FOCAD: variants seen among roughly 807,000 people sequenced by gnomAD.
FOCAD encodes KIAA1797.
Under a neutral mutation model 225.6 loss-of-function variants are expected in FOCAD, and 198 were observed. The observed-to-expected ratio is 0.88, with a 90% CI of 0.78 to 0.99. The LOEUF (loss-of-function observed/expected upper bound fraction) is 0.99, where lower values mean the gene tolerates loss of function less well. Among genes scored for constraint, FOCAD ranks in the 50% least tolerant of loss-of-function variants. FOCAD has a pLI of 0.00. For synonymous variants in FOCAD, 897 were observed against 755.0 expected, an observed-to-expected ratio of 1.19 and a Z score of -3.08; for missense variants, 2,713 against 2,123.6, an observed-to-expected ratio of 1.28 and a Z score of -5.46.
chr9:20,765,301 A>C (rs1007172496), intron 7 of FOCAD, among the ~76,000 whole-genome samples: 2 of 152,226 alleles, frequency 1.3e-5, no homozygotes, highest in African/African-American at 4.8e-5. Flanking sequence ...AAATCGACAT[A>C]GTCCATTCTG....
chr9:20,878,744 C>T (rs1830433525), intron 19 of FOCAD, among the ~76,000 whole-genome samples: 1 of 152,194 alleles, frequency 6.6e-6, no homozygotes, highest in South Asian at 2.1e-4. Context: ...GACAGACTAT[C>T]TGCAAGCTGG....
intron 4 of FOCAD, among the ~76,000 whole-genome samples, chr9:20,723,757 T>C (rs1011475256): frequency 6.6e-6 from 1 of 152,218 alleles, no homozygotes; most frequent in Non-Finnish European, 1.5e-5. Context: ...TGAAAAAATA[T>C]ATCTTGGAGC....
chr9:20,770,519 C>A (rs1818107703), intron 8 of FOCAD, among the ~76,000 whole-genome samples: 1 of 152,212 alleles, frequency 6.6e-6, no homozygotes, highest in South Asian at 2.1e-4. Context: ...CAATCACTAT[C>A]ACAAGAACAG....
intron 14 of FOCAD, among the ~76,000 whole-genome samples, chr9:20,822,191 T>G (rs1284726655): frequency 6.6e-6 from 1 of 151,986 alleles, no homozygotes; most frequent in Middle Eastern, 3.2e-3. Flanking sequence ...TACTGCTAAC[T>G]TATTTAGTAT....
chr9:20,657,114 CT>C (rs1821510892), upstream of FOCAD, among the ~76,000 whole-genome samples: 1 of 152,172 alleles, frequency 6.6e-6, no homozygotes, highest in African/African-American at 2.4e-5. Flanking sequence ...CCCCCACTCT[CT>C]TCTGGCTTGT....
At chr9:20,774,054 T>C (rs1488118878) in intron 8 of FOCAD, among the ~76,000 whole-genome samples, 2 of 152,224 alleles carry the variant, frequency 1.3e-5, no homozygotes, top group East Asian at 1.9e-4. Context: ...GAACTGTGCA[T>C]GCGAGGGATC....
chr9:20,862,326 A>G (rs1429985006), intron 15 of FOCAD, among the ~76,000 whole-genome samples: 3 of 152,072 alleles, frequency 2.0e-5, no homozygotes, highest in African/African-American at 7.2e-5. Context: ...TGTGCTTAGG[A>G]GAGAGTTATT....
intron 21 of FOCAD, among the ~76,000 whole-genome samples, chr9:20,891,372 A>G (rs1198334969): frequency 1.3e-5 from 2 of 152,240 alleles, no homozygotes; most frequent in East Asian, 1.9e-4. Flanking sequence ...CGAGGAAGGC[A>G]TATTGAAAGC....
chr9:20,935,357 G>A (rs190665335), intron 28 of FOCAD, among the ~76,000 whole-genome samples: 1 of 152,026 alleles, frequency 6.6e-6, no homozygotes, highest in Admixed American at 6.6e-5. Context: ...CACATGTATG[G>A]GGACATGGAT....
At chr9:20,954,986 A>G (rs919062707) in intron 35 of FOCAD, among the ~76,000 whole-genome samples, 21 of 152,190 alleles carry the variant, frequency 1.4e-4, no homozygotes, top group Non-Finnish European at 2.1e-4. Flanking sequence ...CTTCTTCAAT[A>G]TACCCAGCTC....
intron 35 of FOCAD, among the ~76,000 whole-genome samples, chr9:20,969,263 C>T (rs1230317722): frequency 6.6e-6 from 1 of 152,026 alleles, no homozygotes; most frequent in Non-Finnish European, 1.5e-5. Flanking sequence ...TGGAACTGTT[C>T]TAGCTATGCC....
chr9:20,944,924 A>G (rs1442356668), intron 29 of FOCAD, 150 bp downstream of exon 29: 2 of 870,246 alleles, frequency 2.3e-6, no homozygotes, highest in Non-Finnish European at 3.4e-6. Flanking sequence ...ATATTAGATC[A>G]TAAGGTTTTC....
chr9:20,753,634 GTC>G (rs2131763759), intron 5 of FOCAD, among the ~76,000 whole-genome samples: 1 of 151,956 alleles, frequency 6.6e-6, no homozygotes, highest in East Asian at 1.9e-4. Flanking sequence ...TTTTGGTTGT[GTC>G]TCTGCCCGGC....
chr9:20,710,213 G>T (rs1253503497), intron 1 of FOCAD, among the ~76,000 whole-genome samples: 8 of 148,424 alleles, frequency 5.4e-5, no homozygotes, highest in African/African-American at 2.0e-4. Context: ...TCTGTACTTG[G>T]ATCCCAGTAG....
At chr9:20,925,661 A>T (rs1437303145) in intron 25 of FOCAD, among the ~76,000 whole-genome samples, 1 of 152,192 alleles carries the variant, frequency 6.6e-6, no homozygotes, top group Non-Finnish European at 1.5e-5. Flanking sequence ...AATGCTTTTG[A>T]CATCCATGGT....
chr9:20,948,621 A>G (rs768615033), intron 31 of FOCAD, among the ~76,000 whole-genome samples: 13 of 152,182 alleles, frequency 8.5e-5, no homozygotes, highest in Admixed American at 1.3e-4. Context: ...TTTTAAGACA[A>G]CATTTTGTTT....
chr9:20,952,621 G>A lies in FOCAD; in HGVS notation c.4052-364G>A, dbSNP rs570132599. 6 of 272,532 alleles carry A rather than the reference G, an allele frequency of 2.2e-5. 1 individual carries two copies. In the South Asian group the frequency reaches 2.5e-4, roughly 11 times the overall value. The allele number at this position is 272,532 out of a possible 1,614,324, so 16.9% of individuals were successfully genotyped here. On this transcript the variant is annotated intron_variant, in intron 34 of 43. Transcript: ENST00000338382. ...CTACTACAGTGGTCTCAGCGTTGAAGCTCGGCAGACTCGTTGCTGAACGCT... is the reference window on the plus strand; with the variant it reads ...CTACTACAGTGGTCTCAGCGTTGAAACTCGGCAGACTCGTTGCTGAACGCT...
intron 28 of FOCAD, among the ~76,000 whole-genome samples, chr9:20,940,252 T>A (rs1836510870): frequency 6.6e-6 from 1 of 151,242 alleles, no homozygotes; most frequent in Non-Finnish European, 1.5e-5. Context: ...TTACTAATGC[T>A]CTCTAGGTGT....
At chr9:20,894,223 T>A (rs1002683260) in intron 21 of FOCAD, among the ~76,000 whole-genome samples, 3 of 152,170 alleles carry the variant, frequency 2.0e-5, no homozygotes, top group African/African-American at 7.2e-5. Flanking sequence ...TTCTTTTTAG[T>A]GTTGAATAAA....
Sources: gnomAD v4.1 joint callset for allele counts (sites outside exome capture counted in the v4.1 genomes callset) on GRCh38, gnomAD v4.1.1 for gene constraint, MANE v1.5 for transcripts, NCBI Gene and HGNC (gene_info 2026-07-23, HGNC 2026-07-21) for gene names.